The following CD8A variants were observed in gnomAD, a reference collection of about 807,000 sequenced individuals.
The protein encoded by CD8A is T-cell surface glycoprotein CD8 alpha chain.
In CD8A, 25 loss-of-function variants were observed where a neutral mutation model predicts 24.2. The ratio of observed to expected loss-of-function variants is 1.03; its 90% CI spans 0.75 to 1.44. The LOEUF (loss-of-function observed/expected upper bound fraction) is 1.44. CD8A is among the 40% of genes most tolerant of loss of function. The pLI, the probability that CD8A is intolerant of heterozygous loss-of-function variation, is 0.00. For synonymous variants in CD8A, 165 were observed against 149.9 expected (o/e 1.10, Z -0.74); for missense variants, 360 against 319.7 (o/e 1.13, Z -0.96).
chr2:86,787,077 C>T (rs1401281325), intron 5 of CD8A, among the ~76,000 whole-genome samples: 3 of 127,286 alleles, frequency 2.4e-5, no homozygotes, highest in Non-Finnish European at 4.8e-5. Context: ...AACTTCCCCC[C>T]CCACTTTTTT....
Position 86,789,888 on chromosome 2 carries a change from G to A in CD8A, c.404-138C>T, listed in dbSNP as rs186120995. 157 of 574,886 alleles carry A rather than the reference G, an allele frequency of 2.7e-4. 1 individual carries two copies. The highest frequency in any genetic ancestry group is 2.7e-3 in the African/African-American group (138 of 51,314). The allele number at this position is 574,886 out of a possible 1,614,324, so 35.6% of individuals were successfully genotyped here. A position where few individuals can be genotyped will look rare whatever the true frequency, so the allele number is the denominator to read the frequency against. On this transcript the variant is annotated intron_variant, in intron 2 of 5. Transcript: ENST00000283635. ...GAAGGGATAGCAGAGGAGACAGGAT[G>A]GGGACCCCGGGATGCGCGCGGACCC... is the stretch of plus-strand genomic sequence containing the variant.
chr2:86,788,707 T>TG (rs1673127139), intron 4 of CD8A, 147 bp from the exon 5 acceptor site: 1 of 742,422 alleles, frequency 1.3e-6, no homozygotes, highest in East Asian at 2.7e-5. Context: ...GGGCTGAAAT[T>TG]GGATGAGGCA....
Position 86,784,726 on chromosome 2 carries a change from A to G in CD8A, c.*1194T>C. ...CATATTTTACATGTATGTGTAGAAA[A>G]TAATCAGGAAGAATGTACACCATAT... On this transcript the variant is annotated 3_prime_UTR_variant, in exon 6 of 6. Transcript: ENST00000283635. 1 of 453,580 alleles carries G rather than the reference A, an allele frequency of 2.2e-6. No homozygotes were observed. The highest frequency in any genetic ancestry group is 4.4e-6 in the Non-Finnish European group (1 of 226,426). The allele number at this position is 453,580 out of a possible 1,614,324, so 28.1% of individuals were successfully genotyped here. A position where few individuals can be genotyped will look rare whatever the true frequency, so the allele number is the denominator to read the frequency against.
chr2:86,790,983 AGG>A (rs1558736160), upstream of CD8A: 3 of 787,166 alleles, frequency 3.8e-6, no homozygotes, highest in South Asian at 2.9e-5. Flanking sequence ...GCCCCCGCCG[AGG>A]AGAGTCACCC....
chr2:86,805,655 T>C (rs1673824122), intron 2 of CD8A, among the ~76,000 whole-genome samples: 1 of 152,174 alleles, frequency 6.6e-6, no homozygotes, highest in African/African-American at 2.4e-5. Flanking sequence ...ACTGCTCTGT[T>C]TCAGTAACTT....
intron 2 of CD8A, among the ~76,000 whole-genome samples, chr2:86,802,144 T>C (rs570217845): frequency 1.3e-4 from 19 of 151,954 alleles, no homozygotes; most frequent in Admixed American, 6.6e-4. Context: ...TTCAAGTGAG[T>C]CTCTTGCTTC....
intron 3 of CD8A, among the ~76,000 whole-genome samples, chr2:86,800,422 A>G (rs1673631504): frequency 6.7e-6 from 1 of 150,044 alleles, no homozygotes; most frequent in Non-Finnish European, 1.5e-5. Context: ...AGATCACACC[A>G]CTGCACTCCA....
intron 5 of CD8A, among the ~76,000 whole-genome samples, chr2:86,786,745 G>A (rs886451942): frequency 2.6e-5 from 4 of 152,164 alleles, no homozygotes; most frequent in African/African-American, 9.7e-5. Flanking sequence ...AACTGGCCGG[G>A]TGCGGTAGCT....
rs1446218739 is a variant in CD8A at position 86,789,637 on chromosome 2, C to T, written c.514+3G>A. ...CCCCGCCCCGGGCCCCCGCACGCCT[C>T]ACCTGCGCCCCCCGCCGCTGGCCGG... On this transcript the variant is annotated splice_donor_region_variant and intron_variant, in intron 3 of 5. Transcript: ENST00000283635. 6.7e-7 allele frequency: 1 copy of T among 1,482,668 alleles called. No homozygotes were observed. Among genetic ancestry groups the T allele is most frequent in the Non-Finnish European group, 8.9e-7 (1 of 1,120,012 alleles). 91.8% of individuals were successfully genotyped at this position (1,482,668 alleles called of 1,614,324 possible). A position where few individuals can be genotyped will look rare whatever the true frequency, so the allele number is the denominator to read the frequency against.
chr2:86,800,463 GA>G (rs950110780), intron 3 of CD8A, among the ~76,000 whole-genome samples: 30 of 147,582 alleles, frequency 2.0e-4, no homozygotes, highest in East Asian at 6.0e-4. Flanking sequence ...AAAAAAGAAA[GA>G]AAAAAAAAGA....
intron 3 of CD8A, among the ~76,000 whole-genome samples, chr2:86,799,802 A>G (rs1673606620): frequency 6.6e-6 from 1 of 152,124 alleles, no homozygotes; most frequent in Admixed American, 6.5e-5. Flanking sequence ...TGCAGGAGGC[A>G]GAGTGCCTCA....
chr2:86,785,273 T>TTA lies in CD8A; in HGVS notation c.*645_*646dup, dbSNP rs766051956. ...TAGGTCTATACAATTTTAGGCTTGA[T>TTA]TATAAAAAAAAAAAGTCTGATATTG... On this transcript the variant is annotated 3_prime_UTR_variant, in exon 6 of 6. Coordinates refer to ENST00000283635, the MANE Select transcript of CD8A (RefSeq NM_001768.7). The TTA allele has an allele frequency of 6.8e-6, 3 of 441,786 alleles. No individual in the cohort carries two copies. Among genetic ancestry groups the TTA allele is most frequent in the South Asian group, 3.1e-5 (2 of 63,534 alleles). The allele number at this position is 441,786 out of a possible 1,614,324, so 27.4% of individuals were successfully genotyped here. A position where few individuals can be genotyped will look rare whatever the true frequency, so the allele number is the denominator to read the frequency against.
chr2:86,805,885 A>G lies in CD8A; in HGVS notation c.-418+1562T>C, dbSNP rs185459872. On this transcript the variant is annotated intron_variant, in intron 2 of 8. Transcript: ENST00000409511. Reference sequence around the variant, plus strand: ...ATAAATAAATAAGTAAATAAAGGGGAAAAATACACTGCATCCAAAAAAGGC... The same window carrying G: ...ATAAATAAATAAGTAAATAAAGGGGGAAAATACACTGCATCCAAAAAAGGC... Among the ~76,000 whole-genome samples, 5 of 152,244 alleles carry G rather than the reference A, an allele frequency of 3.3e-5. No homozygotes were observed. In the East Asian group the frequency reaches 9.6e-4, roughly 29 times the overall value.
At chr2:86,802,838 T>C (rs947640723) in intron 2 of CD8A, among the ~76,000 whole-genome samples, 1 of 152,162 alleles carries the variant, frequency 6.6e-6, no homozygotes, top group African/African-American at 2.4e-5. Context: ...CTTGAACTCT[T>C]GGCCTCAAGT....
intron 3 of CD8A, among the ~76,000 whole-genome samples, chr2:86,800,476 A>G (rs1162300044): frequency 6.6e-6 from 1 of 152,060 alleles, no homozygotes; most frequent in African/African-American, 2.4e-5. Context: ...AAAAAAAGAT[A>G]AAAACATTAT....
chr2:86,787,041 G>T (rs1011931975), intron 5 of CD8A, among the ~76,000 whole-genome samples: 1 of 49,934 alleles, frequency 2.0e-5, no homozygotes, highest in Non-Finnish European at 3.7e-5. Context: ...AAAAAAAAAA[G>T]AAAAGAAAAG....
chr2:86,793,864 C>T (rs879240658), upstream of CD8A, among the ~76,000 whole-genome samples: 1 of 152,166 alleles, frequency 6.6e-6, no homozygotes, highest in Admixed American at 6.5e-5. Flanking sequence ...AAAGTGTCAG[C>T]CAGTGGGGTG....
intron 4 of CD8A, 97 bp from the exon 5 acceptor site, chr2:86,788,657 T>G (rs1573458982): frequency 4.2e-6 from 5 of 1,184,094 alleles, no homozygotes; most frequent in Non-Finnish European, 5.0e-6. Flanking sequence ...TTGTTGCTGC[T>G]GTTTTTTGGT....
chr2:86,785,348 C>G lies in CD8A; in HGVS notation c.*572G>C. On this transcript the variant is annotated 3_prime_UTR_variant, in exon 6 of 6. Transcript: ENST00000283635. ...GGCAGTTCTCTTCTTTAATTCATTA[C>G]CTCCTCGAGGCTCTGGGCACAGTAT... 2.2e-6 allele frequency: 1 copy of G among 454,148 alleles called. No individual in the cohort carries two copies. The highest frequency in any genetic ancestry group is 4.4e-6 in the Non-Finnish European group (1 of 226,824). 28.1% of individuals were successfully genotyped at this position (454,148 alleles called of 1,614,324 possible). A position where few individuals can be genotyped will look rare whatever the true frequency, so the allele number is the denominator to read the frequency against.
Sources: gnomAD v4.1 joint callset for allele counts (sites outside exome capture counted in the v4.1 genomes callset) on GRCh38, gnomAD v4.1.1 for gene constraint, MANE v1.5 for transcripts, NCBI Gene and HGNC (gene_info 2026-07-23, HGNC 2026-07-21) for gene names.